LSS: variants seen among roughly 807,000 people sequenced by gnomAD.
LSS encodes 2,3-epoxysqualene-lanosterol cyclase.
LSS carries 90 observed loss-of-function variants against 110.3 expected under a neutral mutation model. That is an observed-to-expected ratio of 0.82 (90% CI 0.69 to 0.97). The LOEUF (loss-of-function observed/expected upper bound fraction) is 0.97. LSS is among the 50% of genes least tolerant of loss of function. The pLI is 0.00. For synonymous variants in LSS, 433 were observed against 400.0 expected (o/e 1.08, Z -0.98); for missense variants, 927 against 990.0 (o/e 0.94, Z 0.85).
intron 20 of LSS, chr21:46,192,945 G>A (rs1569015442): frequency 5.3e-6 from 2 of 379,530 alleles, no homozygotes; most frequent in Non-Finnish European, 1.0e-5. Flanking sequence ...ATGTACGTAT[G>A]TCTGTGTATG....
rs748339288 is a variant in LSS at position 46,205,922 on chromosome 21, G to A, written c.1584C>T (p.Tyr528=). 2 of 1,609,498 alleles carry A rather than the reference G, an allele frequency of 1.2e-6. No homozygotes were observed. The highest frequency in any genetic ancestry group is 1.7e-6 in the Non-Finnish European group (2 of 1,178,014). The part of the protein sequence containing the change: ...SEVFGDIMID[Y]TYVECTSAVM... Reference sequence around the variant, plus strand: ...CGGCTGAGGTGCACTCCACATAGGTGTAGTCAATCATGATGTCCCCTGGGA... The same window carrying A: ...CGGCTGAGGTGCACTCCACATAGGTATAGTCAATCATGATGTCCCCTGGGA... The change falls in exon 17 of 22, where the codon TAC becomes TAT. Residue 528 remains tyrosine (Y), a synonymous_variant. Coordinates refer to ENST00000397728, the MANE Select transcript of LSS (RefSeq NM_002340.6).
chr21:46,207,986 C>A (rs745824424), intron 14 of LSS, among the ~76,000 whole-genome samples: 1 of 152,262 alleles, frequency 6.6e-6, no homozygotes, highest in Non-Finnish European at 1.5e-5. Context: ...TTCGGCTGTC[C>A]TTCTGAAGCC....
chr21:46,213,233 T>C (rs2080156979), intron 10 of LSS, among the ~76,000 whole-genome samples, 181 bp from the exon 11 acceptor site: 1 of 152,066 alleles, frequency 6.6e-6, no homozygotes, highest in African/African-American at 2.4e-5. Flanking sequence ...CCACACTCTA[T>C]GGAAAACAGG....
intron 20 of LSS, chr21:46,193,903 G>C: frequency 2.2e-6 from 1 of 447,836 alleles, no homozygotes; most frequent in African/African-American, 2.0e-5. Context: ...CTATGTCAGT[G>C]TGTGGCACAG....
chr21:46,212,754 G>C (rs2080149492), intron 11 of LSS, among the ~76,000 whole-genome samples: 2 of 152,188 alleles, frequency 1.3e-5, no homozygotes, highest in South Asian at 4.1e-4. Flanking sequence ...CTGCAGCTCT[G>C]GGTCTGTCGT....
chr21:46,226,002 T>C (rs932732950), intron 3 of LSS, among the ~76,000 whole-genome samples: 52 of 152,030 alleles, frequency 3.4e-4, no homozygotes, highest in African/African-American at 1.2e-3. Flanking sequence ...GAGAAAAACC[T>C]ACCGACCCTG....
intron 14 of LSS, 27 bp downstream of exon 14, chr21:46,208,224 A>G: frequency 6.4e-7 from 1 of 1,551,002 alleles, no homozygotes; most frequent in East Asian, 2.4e-5. Flanking sequence ...GGGGGACGGG[A>G]CAGGGATGGG....
Position 46,190,846 on chromosome 21 carries a change from GT to G in LSS, c.*257del, listed in dbSNP as rs2123680319. On this transcript the variant is annotated 3_prime_UTR_variant, in exon 22 of 22. Transcript: ENST00000397728. This position sits in a 1 kb window ranked among gnomAD's most constrained non-coding sequence, Gnocchi z 4.6. ...CAGAAGGCGCTGTGCCTCCTCAGGG[GT>G]CACGGCTCCTGTGCCCCCTTCCTCA... is the stretch of plus-strand genomic sequence containing the variant. The G allele has an allele frequency of 2.0e-6, 1 of 507,814 alleles. No homozygotes were observed. The highest frequency in any genetic ancestry group is 2.7e-5 in the South Asian group (1 of 37,528). 31.5% of individuals were successfully genotyped at this position (507,814 alleles called of 1,614,324 possible).
intron 9 of LSS, 60 bp downstream of exon 9, chr21:46,215,120 C>CT (rs969917256): frequency 7.0e-7 from 1 of 1,428,344 alleles, no homozygotes; most frequent in African/African-American, 1.4e-5. Flanking sequence ...GCCTCTAGGA[C>CT]TTCACTTTCG....
At chr21:46,208,621 G>A (rs375479552) in intron 13 of LSS, among the ~76,000 whole-genome samples, 6 of 152,178 alleles carry the variant, frequency 3.9e-5, no homozygotes, top group East Asian at 1.9e-4. Flanking sequence ...AGGTCTCTGC[G>A]GGTGTGCTCT....
Position 46,209,838 on chromosome 21 carries a change from C to T in LSS, c.1195-213G>A, listed in dbSNP as rs1440763699. Among the ~76,000 whole-genome samples, 5 of 152,094 alleles carry T rather than the reference C, an allele frequency of 3.3e-5. No homozygotes were observed. The highest frequency in any genetic ancestry group is 1.2e-4 in the African/African-American group (5 of 41,410). ...TGAGATATGACTGAAGATGGAAGGG[C>T]GCAGGAGACCATTTATGGATGCCAG... On this transcript the variant is annotated intron_variant, in intron 12 of 21. Transcript: ENST00000397728. This position sits in a 1 kb window ranked among gnomAD's most constrained non-coding sequence, Gnocchi z 4.4.
At chr21:46,207,697 C>A (rs1007808924) in intron 14 of LSS, 120 bp from the exon 15 acceptor site, 1 of 1,194,338 alleles carries the variant, frequency 8.4e-7, no homozygotes, top group Middle Eastern at 2.2e-4. Flanking sequence ...AGGGGCCCAG[C>A]CACCAAAGGT....
Position 46,228,599 on chromosome 21 carries a change from C to G in LSS, c.15G>C (p.Thr5=). Residue 5 remains threonine, a splice_region_variant and synonymous_variant, in exon 2 of 22, where the codon ACG becomes ACC. Transcript: ENST00000397728. MTEG[T]CLRRRGGPYK... ...AGGGGCCCCCTCGGCGCCGCAGACACCTGAGGACCACCGGCCATCAGCGAC... is the reference window on the plus strand; with the variant it reads ...AGGGGCCCCCTCGGCGCCGCAGACAGCTGAGGACCACCGGCCATCAGCGAC... The G allele has an allele frequency of 1.3e-6, 2 of 1,592,382 alleles. No individual in the cohort carries two copies. The highest frequency in any genetic ancestry group is 3.4e-5 in the Admixed American group (2 of 59,260).
chr21:46,199,100 C>T (rs564284991), intron 17 of LSS, among the ~76,000 whole-genome samples: 1 of 152,058 alleles, frequency 6.6e-6, no homozygotes, highest in African/African-American at 2.4e-5. Flanking sequence ...AATGAAAAGA[C>T]AAGACACAGG....
In LSS at chr21:46,190,464, C is replaced by G. The variant is rs1300889046; in HGVS notation, c.*640G>C. 1 of 152,830 alleles carries G rather than the reference C, an allele frequency of 6.5e-6. No individual in the cohort carries two copies. The highest frequency in any genetic ancestry group is 1.4e-5 in the Non-Finnish European group (1 of 70,328). The allele number at this position is 152,830 out of a possible 1,614,324, so 9.5% of individuals were successfully genotyped here. The stretch of plus-strand genomic sequence containing the variant: ...CGGCTCCATGACACCACCCCATACT[C>G]AGGCGAGCTCACGACCCAGGGGCAT... On this transcript the variant is annotated 3_prime_UTR_variant, in exon 22 of 22. Coordinates refer to ENST00000397728, the MANE Select transcript of LSS (RefSeq NM_002340.6). This position sits in a 1 kb window ranked among gnomAD's most constrained non-coding sequence, Gnocchi z 4.6.
At chr21:46,226,709 C>A (rs1265893482) in intron 3 of LSS, among the ~76,000 whole-genome samples, 1 of 152,146 alleles carries the variant, frequency 6.6e-6, no homozygotes, top group East Asian at 1.9e-4. Context: ...CCAACTCTTC[C>A]CAAACTAACA....
chr21:46,203,731 AC>A (rs754535043), intron 17 of LSS, among the ~76,000 whole-genome samples: 1 of 152,006 alleles, frequency 6.6e-6, no homozygotes, highest in Non-Finnish European at 1.5e-5. Context: ...GCACAAGAAA[AC>A]CCCTGCTCCA....
chr21:46,222,246 G>A (rs59958589), intron 4 of LSS: 10 of 538,340 alleles, frequency 1.9e-5, no homozygotes, highest in African/African-American at 9.5e-5. Context: ...GCTCAAGGGC[G>A]GTCCACTTTG....
intron 3 of LSS, among the ~76,000 whole-genome samples, chr21:46,226,149 A>T (rs953666798): frequency 1.3e-5 from 2 of 151,912 alleles, no homozygotes; most frequent in African/African-American, 4.8e-5. Flanking sequence ...AAAAAAAAAA[A>T]AATACAAAAA....
Sources: gnomAD v4.1 joint callset for allele counts (sites outside exome capture counted in the v4.1 genomes callset) on GRCh38, gnomAD v4.1.1 for gene constraint, Gnocchi (gnomAD v3.1) non-coding constraint, MANE v1.5 for transcripts, NCBI Gene and HGNC (gene_info 2026-07-23, HGNC 2026-07-21) for gene names.